EPC1: variants seen among roughly 807,000 people sequenced by gnomAD.
The protein encoded by EPC1 is enhancer of polycomb 1.
In EPC1, 12 loss-of-function variants were observed where a neutral mutation model predicts 98.4. That is an observed-to-expected ratio of 0.12 (90% CI 0.08 to 0.20). EPC1 has a LOEUF of 0.20. Ranked by LOEUF, EPC1 falls within the 10% of genes least tolerant of loss-of-function variation. The pLI is 1.00. For synonymous variants in EPC1, 357 were observed against 363.9 expected (o/e 0.98, Z 0.21); for missense variants, 729 against 990.5 (o/e 0.74, Z 3.54).
At chr10:32,270,999 T>C (rs1042888432) in intron 13 of EPC1, among the ~76,000 whole-genome samples, 2 of 2,660 alleles carry the variant, frequency 7.5e-4, no homozygotes, top group East Asian at 0.1. Flanking sequence ...CATTATACGC[T>C]TTTTTTTTTT....
At position 32,293,012 on chromosome 10, in the gene EPC1, A is replaced by G; in HGVS notation, c.642T>C (p.Arg214=). 1.9e-6 allele frequency: 3 copies of G among 1,592,720 alleles called. No homozygotes were observed. The highest frequency in any genetic ancestry group is 2.6e-6 in the Non-Finnish European group (3 of 1,169,858). ...TNDPYVAFRR[R]TEKMQTRKNR... ...CTTTTCGAGTCTGCATTTTTTCAGT[A>G]CGCCTTCTAAAAGCCACATAAGGAT... Residue 214 remains arginine, a synonymous_variant, in exon 4 of 14, where the codon CGT becomes CGC. Transcript: ENST00000319778.
intron 6 of EPC1, among the ~76,000 whole-genome samples, chr10:32,288,393 C>T (rs914134441): frequency 5.4e-5 from 8 of 148,796 alleles, no homozygotes; most frequent in Non-Finnish European, 8.9e-5. Context: ...CAGCACACTG[C>T]AATCTCCGCC....
intron 6 of EPC1, among the ~76,000 whole-genome samples, chr10:32,288,317 T>C (rs546759589): frequency 1.3e-3 from 147 of 115,746 alleles, no homozygotes; most frequent in African/African-American, 1.4e-3. Flanking sequence ...TTTTTCTTTT[T>C]TTTTTTTTTT....
exon 1 of EPC1, chr10:32,378,511 A>ATAGACCTGCGGCAGGTCTATATAGG (rs1238338326): frequency 6.5e-7 from 1 of 1,543,100 alleles, no homozygotes. Flanking sequence ...GGCAAAGAAG[A>ATAGACCTGCGGCAGGTCTATATAGG]CGGCAGTTCT....
In EPC1 at chr10:32,269,028, T is replaced by A. The variant is rs200339004; in HGVS notation, c.*35A>T. On this transcript the variant is annotated 3_prime_UTR_variant, in exon 14 of 14. Transcript: ENST00000319778. ...AATGCTACTGATGCATAGCACCTAA[T>A]CAAGTCCCCAGGCTGCAGTTCCACT... 6.3e-7 allele frequency: 1 copy of A among 1,583,974 alleles called. No individual in the cohort carries two copies. The highest frequency in any genetic ancestry group is 2.2e-5 in the East Asian group (1 of 44,656).
chr10:32,309,418 C>A (rs1444533230), intron 1 of EPC1, among the ~76,000 whole-genome samples: 1 of 151,472 alleles, frequency 6.6e-6, no homozygotes, highest in Non-Finnish European at 1.5e-5. Flanking sequence ...TATTATGTAC[C>A]CATAATAATA....
chr10:32,320,882 C>T (rs886633185), intron 1 of EPC1, among the ~76,000 whole-genome samples: 5 of 147,150 alleles, frequency 3.4e-5, no homozygotes, highest in Admixed American at 1.4e-4. Context: ...CCACCACACC[C>T]GGCTTTTGAC....
At chr10:32,273,385 C>T (rs540299377) in intron 10 of EPC1, 104 bp from the exon 11 acceptor site, 3 of 1,387,224 alleles carry the variant, frequency 2.2e-6, no homozygotes, top group Non-Finnish European at 2.9e-6. Flanking sequence ...AAAATTGAAG[C>T]ATCTGACAAA....
At chr10:32,365,931 C>A (rs368736136) in intron 1 of EPC1, among the ~76,000 whole-genome samples, 2 of 148,976 alleles carry the variant, frequency 1.3e-5, no homozygotes, top group South Asian at 4.3e-4. Context: ...GTCAGGAGTT[C>A]GAGACCAGCC....
Position 32,272,020 on chromosome 10 carries a change from T to C in EPC1, c.2005+6A>G. On this transcript the variant is annotated splice_donor_region_variant and intron_variant, in intron 12 of 13. Transcript: ENST00000319778. ...ACCCAAACAATTTAAATGTCTTTAT[T>C]CTTACCTGAGGCTGGAAGGACGCCA... 2 of 1,609,324 alleles carry C rather than the reference T, an allele frequency of 1.2e-6. No homozygotes were observed. The highest frequency in any genetic ancestry group is 1.1e-5 in the South Asian group (1 of 89,928).
At chr10:32,269,235 G>T (rs1835719170) in intron 13 of EPC1, 100 bp from the exon 14 acceptor site, 2 of 947,952 alleles carry the variant, frequency 2.1e-6, no homozygotes, top group Non-Finnish European at 3.3e-6. Flanking sequence ...TTAACAGGAA[G>T]AAATTGGACT....
intron 1 of EPC1, among the ~76,000 whole-genome samples, chr10:32,325,028 TA>T (rs1250628124): frequency 1.3e-5 from 2 of 152,032 alleles, no homozygotes. Context: ...TAAAAATAAA[TA>T]AATAAAACCT....
At chr10:32,304,930 A>AAAAAAG (rs1835787838) in intron 2 of EPC1, among the ~76,000 whole-genome samples, 1 of 151,618 alleles carries the variant, frequency 6.6e-6, no homozygotes, top group Admixed American at 6.6e-5. Context: ...AAAAAAAAAA[A>AAAAAAG]AAAAAAGAAA....
intron 10 of EPC1, chr10:32,281,783 C>A (rs1359719338): frequency 6.6e-6 from 1 of 152,122 alleles, no homozygotes; most frequent in African/African-American, 2.4e-5. Context: ...ATTCTCCCTG[C>A]CTCAGCTTCC....
chr10:32,346,616 G>A (rs1425223941), intron 1 of EPC1, 147 bp downstream of exon 1: 2 of 790,684 alleles, frequency 2.5e-6, no homozygotes, highest in Non-Finnish European at 4.0e-6. Flanking sequence ...GGCTGGGGGA[G>A]GCGGGGTATA....
intron 1 of EPC1, among the ~76,000 whole-genome samples, chr10:32,353,341 A>T (rs1297738090): frequency 6.6e-6 from 1 of 152,156 alleles, no homozygotes; most frequent in Non-Finnish European, 1.5e-5. Flanking sequence ...TTTTGAAAGT[A>T]GGAGAGATGT....
intron 2 of EPC1, among the ~76,000 whole-genome samples, chr10:32,299,975 G>A (rs1215326503): frequency 1.3e-4 from 19 of 151,976 alleles, no homozygotes; most frequent in South Asian, 4.2e-4. Context: ...GTGCAGTGGT[G>A]CGATCTCAGC....
At chr10:32,344,060 G>C (rs905278205) in intron 1 of EPC1, among the ~76,000 whole-genome samples, 2 of 152,128 alleles carry the variant, frequency 1.3e-5, no homozygotes, top group African/African-American at 4.8e-5. Context: ...AATAACTAAT[G>C]TGTCAGTTAA....
intron 1 of EPC1, among the ~76,000 whole-genome samples, chr10:32,343,622 G>A (rs1838523841): frequency 6.7e-6 from 1 of 149,550 alleles, no homozygotes; most frequent in African/African-American, 2.5e-5. Flanking sequence ...ACAATCTGAA[G>A]TTACTTTTTC....
Sources: allele counts gnomAD v4.1 joint callset (sites outside exome capture counted in the v4.1 genomes callset), GRCh38; gene constraint gnomAD v4.1.1; transcripts MANE v1.5; gene names NCBI Gene and HGNC (gene_info 2026-07-23, HGNC 2026-07-21).